Variants in CYP26A1 observed in about 807,000 individuals in gnomAD.
CYP26A1 encodes the protein cytochrome P450 26A1.
Under a neutral mutation model 47.4 loss-of-function variants are expected in CYP26A1, and 46 were observed. The observed-to-expected ratio is 0.97, with a 90% confidence interval of 0.77 to 1.24. The LOEUF (loss-of-function observed/expected upper bound fraction) is 1.24, where lower values mean the gene tolerates loss of function less well. Among genes scored for constraint, CYP26A1 ranks in the 50% most tolerant of loss-of-function variants. The pLI, the probability that CYP26A1 is intolerant of heterozygous loss-of-function variation, is 0.00. For missense variants in CYP26A1, 680 were observed against 644.4 expected, an observed-to-expected ratio of 1.06 and a Z score of -0.60; for synonymous variants, 277 against 263.7, an observed-to-expected ratio of 1.05 and a Z score of -0.49.
chr10:93,074,551 G>C lies in CYP26A1; in HGVS notation c.414+19G>C. On this transcript the variant is annotated intron_variant, in intron 2 of 6. Coordinates refer to ENST00000224356, the MANE Select transcript of CYP26A1 (RefSeq NM_000783.4). The surrounding 1 kb of genome is among the most constrained non-coding windows in gnomAD (Gnocchi z 5.3). ...CAAGAAGGTGGGGGCAGGAGGCGAC[G>C]GCTGGACAGGGAGGGGGACCCCATT... 1 of 1,460,752 alleles carries C rather than the reference G, an allele frequency of 6.8e-7. No homozygotes were observed. The highest frequency in any genetic ancestry group is 9.6e-7 in the Non-Finnish European group (1 of 1,041,100). 90.5% of individuals were successfully genotyped at this position (1,460,752 alleles called of 1,614,324 possible). A position where few individuals can be genotyped will look rare whatever the true frequency, so the allele number is the denominator to read the frequency against.
Position 93,074,671 on chromosome 10 carries a change from T to C in CYP26A1, c.415-108T>C. On this transcript the variant is annotated intron_variant, in intron 2 of 6. Coordinates refer to ENST00000224356, the MANE Select transcript of CYP26A1 (RefSeq NM_000783.4). This position sits in a 1 kb window ranked among gnomAD's most constrained non-coding sequence, Gnocchi z 5.3. ...CCAGCTCCAGGTTAGCTTTCCCAGC[T>C]CGGAGAGTGCCATGTGTCTGGCAGG... 8.8e-7 allele frequency: 1 copy of C among 1,140,628 alleles called. No individual in the cohort carries two copies. Among genetic ancestry groups the C allele is most frequent in the Non-Finnish European group, 1.3e-6 (1 of 781,598 alleles). The allele number at this position is 1,140,628 out of a possible 1,614,324, so 70.7% of individuals were successfully genotyped here. A position where few individuals can be genotyped will look rare whatever the true frequency, so the allele number is the denominator to read the frequency against.
At position 93,074,704 on chromosome 10, in the gene CYP26A1, G is replaced by A; in HGVS notation, c.415-75G>A. On this transcript the variant is annotated intron_variant, in intron 2 of 6. Coordinates refer to ENST00000224356, the MANE Select transcript of CYP26A1 (RefSeq NM_000783.4). This position sits in a 1 kb window ranked among gnomAD's most constrained non-coding sequence, Gnocchi z 5.3. Reference sequence around the variant, plus strand: ...TGCCATGTGTCTGGCAGGACTGGGGGTGTCTGGAAGGGGACGGCGGTAGAC... The same window carrying A: ...TGCCATGTGTCTGGCAGGACTGGGGATGTCTGGAAGGGGACGGCGGTAGAC... 2.3e-6 allele frequency: 3 copies of A among 1,301,750 alleles called. No homozygotes were observed. The highest frequency in any genetic ancestry group is 3.2e-6 in the Non-Finnish European group (3 of 928,664). The allele number at this position is 1,301,750 out of a possible 1,614,324, so 80.6% of individuals were successfully genotyped here. A position where few individuals can be genotyped will look rare whatever the true frequency, so the allele number is the denominator to read the frequency against.
At position 93,074,335 on chromosome 10, in the gene CYP26A1, A is replaced by C. The variant is rs1266603639; in HGVS notation, c.217A>C (p.Arg73=). ...GAGGAAGTTCCTGCAGATGAAGCGC[A>C]GGAAATACGGCTTCATCTACAAGAC... is the stretch of plus-strand genomic sequence containing the variant. ...QRRKFLQMKR[R]KYGFIYKTHL... The change falls in exon 2 of 7, where the codon AGG becomes CGG. Residue 73 remains arginine (R), a synonymous_variant. Coordinates refer to ENST00000224356, the MANE Select transcript of CYP26A1 (RefSeq NM_000783.4). The surrounding 1 kb of genome is among the most constrained non-coding windows in gnomAD (Gnocchi z 5.3). 3 of 1,608,886 alleles carry C rather than the reference A, an allele frequency of 1.9e-6. No individual in the cohort carries two copies. Among genetic ancestry groups the C allele is most frequent in the Non-Finnish European group, 8.5e-7 (1 of 1,175,960 alleles).
Position 93,074,809 on chromosome 10 carries a change from C to T in CYP26A1, c.445C>T (p.Leu149Phe). The change falls in exon 3 of 7, where the codon CTC becomes TTC. Residue 149 changes from leucine (L) to phenylalanine (F), a missense_variant. Coordinates refer to ENST00000224356, the MANE Select transcript of CYP26A1 (RefSeq NM_000783.4). The surrounding 1 kb of genome is among the most constrained non-coding windows in gnomAD (Gnocchi z 5.3). ...TATGCGGGCCTTCAGCCGCGAGGCA[C>T]TCGAATGCTACGTGCCGGTGATCAC... ...VIMRAFSREA[L>F]ECYVPVITEE... 6.2e-7 allele frequency: 1 copy of T among 1,608,676 alleles called. No homozygotes were observed. The highest frequency in any genetic ancestry group is 8.5e-7 in the Non-Finnish European group (1 of 1,179,816).
rs768677075 is a variant in CYP26A1 at position 93,077,136 on chromosome 10, T to C, written c.1326T>C (p.Cys442=). 1 of 1,614,162 alleles carries C rather than the reference T, an allele frequency of 6.2e-7. No homozygotes were observed. Among genetic ancestry groups the C allele is most frequent in the South Asian group, 1.1e-5 (1 of 91,072 alleles). Residue 442 remains cysteine, a synonymous_variant, in exon 7 of 7, where the codon TGT becomes TGC. Coordinates refer to ENST00000224356, the MANE Select transcript of CYP26A1 (RefSeq NM_000783.4). ...FIPFGGGLRS[C]VGKEFAKILL... is the part of the protein sequence containing the mutation. ...CATTTGGAGGAGGCCTTAGGAGCTG[T>C]GTAGGCAAAGAATTTGCAAAAATTC...
rs1846967816 is a variant in CYP26A1, at chr10:93,075,621, G to C, written c.865-205G>C. On this transcript the variant is annotated intron_variant, in intron 4 of 6. Coordinates refer to ENST00000224356, the MANE Select transcript of CYP26A1 (RefSeq NM_000783.4). ...GACTTTAACTCAGGAGTTTCCGGTA[G>C]AGCGGGGTCGTACTCGCCTTACTGC... 5.1e-6 allele frequency: 3 copies of C among 587,750 alleles called. No individual in the cohort carries two copies. In the South Asian group the frequency reaches 6.6e-5, roughly 13 times the overall value. The allele number at this position is 587,750 out of a possible 1,614,324, so 36.4% of individuals were successfully genotyped here.
In CYP26A1 at chr10:93,074,695, G is replaced by A. The variant is rs1040048601; in HGVS notation, c.415-84G>A. The A allele has an allele frequency of 6.4e-6, 8 of 1,256,974 alleles. No individual in the cohort carries two copies. Among genetic ancestry groups the A allele is most frequent in the Admixed American group, 3.7e-5 (2 of 54,060 alleles). 77.9% of individuals were successfully genotyped at this position (1,256,974 alleles called of 1,614,324 possible). A position where few individuals can be genotyped will look rare whatever the true frequency, so the allele number is the denominator to read the frequency against. On this transcript the variant is annotated intron_variant, in intron 2 of 6. Coordinates refer to ENST00000224356, the MANE Select transcript of CYP26A1 (RefSeq NM_000783.4). The surrounding 1 kb of genome is among the most constrained non-coding windows in gnomAD (Gnocchi z 5.3). ...CTCGGAGAGTGCCATGTGTCTGGCAGGACTGGGGGTGTCTGGAAGGGGACG... is the reference window on the plus strand; with the variant it reads ...CTCGGAGAGTGCCATGTGTCTGGCAAGACTGGGGGTGTCTGGAAGGGGACG...
At chr10:93,073,675 C>T (rs1328289031), upstream of CYP26A1, 1 of 519,958 alleles carries the variant, frequency 1.9e-6, no homozygotes, top group Non-Finnish European at 3.4e-6. Context: ...TAGCCCCGCA[C>T]CCCAGGAGGC....
Position 93,075,100 on chromosome 10 carries a change from G to T in CYP26A1, c.705+31G>T, listed in dbSNP as rs752239501. On this transcript the variant is annotated intron_variant, in intron 3 of 6. Transcript: ENST00000224356. ...GGCGGCAAACGGGCTGCGGACTAGG[G>T]GCGCGGGACCTGGGCGTCTGCTCAC... is the stretch of plus-strand genomic sequence containing the variant. 32 of 1,611,050 alleles carry T rather than the reference G, an allele frequency of 2.0e-5. No individual in the cohort carries two copies. In the South Asian group the frequency reaches 2.6e-4, roughly 13 times the overall value.
At chr10:93,076,310 G>A (rs989095599) in intron 5 of CYP26A1, 3 of 370,342 alleles carry the variant, frequency 8.1e-6, no homozygotes, top group African/African-American at 2.2e-5. Context: ...GTGGGGTGGG[G>A]GGGCGTGGGG....
In CYP26A1 at chr10:93,074,861, A is replaced by G; in HGVS notation, c.497A>G (p.Gln166Arg). The change falls in exon 3 of 7, where the codon CAG becomes CGG. Residue 166 changes from glutamine (Q) to arginine (R), a missense_variant. Physicochemically the swap from Gln to Arg is conservative, Grantham distance 43. Coordinates refer to ENST00000224356, the MANE Select transcript of CYP26A1 (RefSeq NM_000783.4). The surrounding 1 kb of genome is among the most constrained non-coding windows in gnomAD (Gnocchi z 5.3). The stretch of plus-strand genomic sequence containing the variant: ...GAGGAAGTGGGCAGCAGCCTGGAGC[A>G]GTGGCTGAGCTGCGGCGAGCGCGGC... ...ITEEVGSSLE[Q>R]WLSCGERGLL... 6.2e-7 allele frequency: 1 copy of G among 1,612,654 alleles called. No individual in the cohort carries two copies. Among genetic ancestry groups the G allele is most frequent in the African/African-American group, 1.3e-5 (1 of 75,064 alleles).
At chr10:93,073,486 A>C, upstream of CYP26A1, 1 of 171,034 alleles carries the variant, frequency 5.8e-6, no homozygotes, top group Non-Finnish European at 1.2e-5. Flanking sequence ...GGCACCTGGA[A>C]ATGGAAAGCC....
chr10:93,075,194 A>C lies in CYP26A1; in HGVS notation c.751A>C (p.Ile251Leu). The change falls in exon 4 of 7, where the codon ATT (isoleucine) becomes CTT (leucine). Residue 251 changes from isoleucine to leucine, a missense_variant. Transcript: ENST00000224356. ...NLIHARIEQNIRAKICGLRAS... is the reference protein window; with the variant it reads ...NLIHARIEQNLRAKICGLRAS... ...CATTCACGCGCGCATCGAGCAGAAC[A>C]TTCGCGCCAAGATCTGCGGGCTGCG... is the stretch of plus-strand genomic sequence containing the variant. 1 of 1,613,900 alleles carries C rather than the reference A, an allele frequency of 6.2e-7. No individual in the cohort carries two copies. The highest frequency in any genetic ancestry group is 8.5e-7 in the Non-Finnish European group (1 of 1,179,972).
In CYP26A1 at chr10:93,077,170, A is replaced by G; in HGVS notation, c.1360A>G (p.Ile454Val). Residue 454 changes from isoleucine (I) to valine (V), a missense_variant, in exon 7 of 7, where the codon ATA becomes GTA. Transcript: ENST00000224356. The part of the protein sequence containing the change: ...GKEFAKILLK[I>V]FTVELARHCD... ...AGAATTTGCAAAAATTCTTCTCAAA[A>G]TATTTACAGTGGAGCTGGCCAGGCA... is the stretch of plus-strand genomic sequence containing the variant. 5.0e-6 allele frequency: 8 copies of G among 1,613,902 alleles called. No individual in the cohort carries two copies. The highest frequency in any genetic ancestry group is 6.8e-6 in the Non-Finnish European group (8 of 1,179,828).
At chr10:93,075,522 T>C in intron 4 of CYP26A1, 1 of 600,432 alleles carries the variant, frequency 1.7e-6, no homozygotes, top group Non-Finnish European at 2.9e-6. Flanking sequence ...TCCCCTAGCC[T>C]TTCCAGGTTT....
chr10:93,076,609 C>T lies in CYP26A1; in HGVS notation c.1065C>T (p.Tyr355=), dbSNP rs745592641. 1 of 1,606,632 alleles carries T rather than the reference C, an allele frequency of 6.2e-7. No homozygotes were observed. Among genetic ancestry groups the T allele is most frequent in the South Asian group, 1.1e-5 (1 of 90,894 alleles). ...LDMEILEQLK[Y]IGCVIKETLR... ...TGGAAATTTTGGAACAACTTAAATACATCGGGTGTGTTATTAAGGAGACCC... is the reference window on the plus strand; with the variant it reads ...TGGAAATTTTGGAACAACTTAAATATATCGGGTGTGTTATTAAGGAGACCC... Residue 355 remains tyrosine (Y), a synonymous_variant, in exon 6 of 7, where the codon TAC becomes TAT. Transcript: ENST00000224356.
chr10:93,075,430 A>G, intron 4 of CYP26A1, 123 bp downstream of exon 4: 1 of 864,038 alleles, frequency 1.2e-6, no homozygotes, highest in Non-Finnish European at 1.8e-6. Flanking sequence ...GCCGGCTCAG[A>G]CTACAGCTAT....
In CYP26A1 at chr10:93,075,036, G is replaced by C. The variant is rs779474883; in HGVS notation, c.672G>C (p.Leu224=). Residue 224 remains leucine, a synonymous_variant, in exon 3 of 7, where the codon CTG becomes CTC. Coordinates refer to ENST00000224356, the MANE Select transcript of CYP26A1 (RefSeq NM_000783.4). ...FEEMTRNLFS[L]PIDVPFSGLY... ...AAATGACCCGCAATCTCTTCTCGCT[G>C]CCCATCGACGTGCCCTTCAGCGGGC... 1.2e-6 allele frequency: 2 copies of C among 1,613,058 alleles called. No homozygotes were observed. Among genetic ancestry groups the C allele is most frequent in the Admixed American group, 3.3e-5 (2 of 60,034 alleles).
intron 6 of CYP26A1, 33 bp from the exon 7 acceptor site, chr10:93,076,930 T>C: frequency 7.2e-7 from 1 of 1,381,536 alleles, no homozygotes; most frequent in Non-Finnish European, 1.0e-6. Context: ...AATTCCAGTT[T>C]GTCAGCCCTT....
Sources: gnomAD v4.1 joint callset for allele counts on GRCh38, gnomAD v4.1.1 for gene constraint, Gnocchi (gnomAD v3.1) non-coding constraint, MANE v1.5 for transcripts, NCBI Gene and HGNC (gene_info 2026-07-23, HGNC 2026-07-21) for gene names.